Variants in SGCZ observed in about 807,000 individuals in gnomAD.
The protein encoded by SGCZ is zeta-sarcoglycan.
In SGCZ, 40 loss-of-function variants were observed where a neutral mutation model predicts 41.3. The observed-to-expected ratio is 0.97, with a 90% CI of 0.75 to 1.26. SGCZ has a LOEUF of 1.26. SGCZ is among the 50% of genes most tolerant of loss of function. SGCZ has a pLI of 0.00. For missense variants in SGCZ, 552 were observed against 369.8 expected (o/e 1.49, Z -4.04); for synonymous variants, 206 against 137.5 (o/e 1.50, Z -3.49).
intron 3 of SGCZ, among the ~76,000 whole-genome samples, chr8:14,250,396 C>T (rs191307444): frequency 6.6e-6 from 1 of 152,054 alleles, no homozygotes; most frequent in Admixed American, 6.6e-5. Context: ...TTTTTTAAAG[C>T]AATACTGCAG....
At chr8:14,980,639 G>T (rs907253753) in intron 1 of SGCZ, among the ~76,000 whole-genome samples, 4 of 152,160 alleles carry the variant, frequency 2.6e-5, no homozygotes. Flanking sequence ...GAATGAGGAA[G>T]ATGCAGAAGC....
intron 2 of SGCZ, among the ~76,000 whole-genome samples, chr8:14,469,842 C>T (rs959973247): frequency 3.3e-5 from 5 of 152,084 alleles, no homozygotes; most frequent in African/African-American, 4.8e-5. Flanking sequence ...ATGGAGGTTC[C>T]TAGAGAGGGC....
rs528033795 is a variant in SGCZ, at chr8:15,207,716, TGAAAA to T, written c.39+29864_39+29868del. On this transcript the variant is annotated intron_variant, in intron 1 of 7. Transcript: ENST00000382080. ...ATTACTCAAATAGAAAATTTGGAAG[TGAAAA>T]GAAGTAGCCAGAAAGAACAGTAAGA... is the stretch of plus-strand genomic sequence containing the variant. 3.1e-3 allele frequency among the ~76,000 whole-genome samples: 473 copies of T among 152,074 alleles called. 3 individuals are homozygous for T. Among genetic ancestry groups the T allele is most frequent in the African/African-American group, 0.011 (454 of 41,478 alleles).
intron 1 of SGCZ, among the ~76,000 whole-genome samples, chr8:14,970,033 A>G (rs1450482140): frequency 6.6e-6 from 1 of 152,160 alleles, no homozygotes; most frequent in Non-Finnish European, 1.5e-5. Flanking sequence ...CATTTTAATT[A>G]TAGTCATTCT....
intron 3 of SGCZ, among the ~76,000 whole-genome samples, chr8:14,274,638 G>C (rs552512982): frequency 1.2e-4 from 19 of 152,216 alleles, no homozygotes; most frequent in Non-Finnish European, 2.5e-4. Flanking sequence ...CTTATGGTAA[G>C]TGACGTTCAT....
At chr8:14,691,138 A>C (rs10092827) in intron 1 of SGCZ, among the ~76,000 whole-genome samples, 6 of 152,196 alleles carry the variant, frequency 3.9e-5, no homozygotes, top group African/African-American at 1.4e-4. Flanking sequence ...AAATTCCTAC[A>C]TAACAGGATG....
intron 1 of SGCZ, among the ~76,000 whole-genome samples, chr8:14,830,618 C>T (rs2130598559): frequency 6.6e-6 from 1 of 152,288 alleles, no homozygotes; most frequent in South Asian, 2.1e-4. Context: ...GAGGTCTATG[C>T]ATGCCTATTC....
At chr8:14,316,624 T>C (rs1285104393) in intron 3 of SGCZ, among the ~76,000 whole-genome samples, 1 of 152,006 alleles carries the variant, frequency 6.6e-6, no homozygotes, top group African/African-American at 2.4e-5. Context: ...CTTCTCTCTT[T>C]CCAGGATATC....
chr8:15,233,226 G>T (rs900527944), intron 1 of SGCZ, among the ~76,000 whole-genome samples: 2 of 148,880 alleles, frequency 1.3e-5, no homozygotes, highest in African/African-American at 4.9e-5. Flanking sequence ...ACTATAGAAT[G>T]ACTAACATAA....
intron 1 of SGCZ, among the ~76,000 whole-genome samples, chr8:14,951,723 G>A (rs1483733980): frequency 6.6e-6 from 1 of 151,930 alleles, no homozygotes; most frequent in Non-Finnish European, 1.5e-5. Context: ...AAATTTACAG[G>A]TTATTTCAAG....
intron 3 of SGCZ, among the ~76,000 whole-genome samples, chr8:14,314,233 T>C (rs1431911879): frequency 6.6e-6 from 1 of 152,130 alleles, no homozygotes; most frequent in African/African-American, 2.4e-5. Context: ...ACATATTATT[T>C]AGCAACTTCA....
chr8:14,268,607 G>T (rs1186893354), intron 3 of SGCZ, among the ~76,000 whole-genome samples: 8 of 151,700 alleles, frequency 5.3e-5, no homozygotes, highest in Admixed American at 6.6e-5. Context: ...TTTACATGTA[G>T]AACCCATACA....
intron 1 of SGCZ, among the ~76,000 whole-genome samples, chr8:14,802,731 G>A (rs1048957645): frequency 2.0e-5 from 3 of 152,208 alleles, no homozygotes; most frequent in Admixed American, 6.5e-5. Context: ...GTTTTAGCAT[G>A]TGTATTGTGG....
chr8:15,167,918 G>T (rs1028117902), intron 1 of SGCZ, among the ~76,000 whole-genome samples: 1 of 152,146 alleles, frequency 6.6e-6, no homozygotes, highest in Non-Finnish European at 1.5e-5. Context: ...ATCCTGCCAG[G>T]TCATGGGAAT....
At chr8:14,739,014 G>A (rs1467957192) in intron 1 of SGCZ, among the ~76,000 whole-genome samples, 2 of 152,030 alleles carry the variant, frequency 1.3e-5, no homozygotes, top group Non-Finnish European at 2.9e-5. Context: ...CATTATCAGG[G>A]CTTTTAATTG....
intron 5 of SGCZ, 140 bp downstream of exon 5, chr8:14,164,440 G>T: frequency 2.1e-6 from 2 of 971,742 alleles, no homozygotes; most frequent in Non-Finnish European, 3.0e-6. Flanking sequence ...CCATTTGAAG[G>T]CTACTTGAAG....
intron 4 of SGCZ, among the ~76,000 whole-genome samples, chr8:14,167,129 A>G (rs1804234106): frequency 6.6e-6 from 1 of 152,162 alleles, no homozygotes; most frequent in Non-Finnish European, 1.5e-5. Context: ...ATGGAAAATG[A>G]TATGTTCTTG....
At chr8:15,036,781 G>C (rs1803890637) in intron 1 of SGCZ, among the ~76,000 whole-genome samples, 1 of 151,694 alleles carries the variant, frequency 6.6e-6, no homozygotes, top group Admixed American at 6.6e-5. Flanking sequence ...ATCTAGAAAA[G>C]GACACTACAA....
At position 15,138,556 on chromosome 8, in the gene SGCZ, C is replaced by T. The variant is rs569534452; in HGVS notation, c.39+99029G>A. ...ACTGAAGCATGAGGGTGGTTTCCTC[C>T]ATGCCGTTCTCATGATAAAGAGTGT... On this transcript the variant is annotated intron_variant, in intron 1 of 7. Transcript: ENST00000382080. 4.6e-5 allele frequency among the ~76,000 whole-genome samples: 7 copies of T among 152,186 alleles called. No individual in the cohort carries two copies. The East Asian group carries it at 1.2e-3, about 25-fold the overall frequency.
Sources: allele counts gnomAD v4.1 joint callset (sites outside exome capture counted in the v4.1 genomes callset), GRCh38; gene constraint gnomAD v4.1.1; transcripts MANE v1.5; gene names NCBI Gene and HGNC (gene_info 2026-07-23, HGNC 2026-07-21).